The following HEMK1 variants were observed in gnomAD, a reference collection of about 807,000 sequenced individuals.
HEMK1 encodes the protein MTRF1L release factor glutamine methyltransferase.
In HEMK1, 36 loss-of-function variants were observed where a neutral mutation model predicts 47.9. That is an observed-to-expected ratio of 0.75 (90% confidence interval 0.58 to 0.99). HEMK1 has a LOEUF of 0.99. Among genes scored for constraint, HEMK1 ranks in the 50% least tolerant of loss-of-function variants. The pLI, the probability that HEMK1 is intolerant of heterozygous loss-of-function variation, is 0.00. For synonymous variants in HEMK1, 153 were observed against 165.4 expected, an observed-to-expected ratio of 0.93 and a Z score of 0.57; for missense variants, 383 against 434.5, an observed-to-expected ratio of 0.88 and a Z score of 1.05.
At chr3:50,579,969 T>G in intron 9 of HEMK1, 30 bp downstream of exon 9, 1 of 1,587,314 alleles carries the variant, frequency 6.3e-7, no homozygotes. Flanking sequence ...CCTAGGTCTG[T>G]CCCCAGCAGG....
chr3:50,578,009 C>A, intron 7 of HEMK1, 134 bp downstream of exon 7: 1 of 814,538 alleles, frequency 1.2e-6, no homozygotes, highest in Non-Finnish European at 2.1e-6. Context: ...CACACATACA[C>A]GTGTGTGTGT....
In HEMK1 at chr3:50,593,590, T is replaced by C. The variant is rs1395936385; in HGVS notation, c.*13173T>C. ...GGCCTAACTGGTTCTTGCTGCTGCA[T>C]GGGCAAGCCATTAATTTACAGGGGT... On this transcript the variant is annotated 3_prime_UTR_variant, in exon 11 of 11. Transcript: ENST00000232854. The C allele has an allele frequency of 6.6e-6, 1 of 152,260 alleles. No individual in the cohort carries two copies. The highest frequency in any genetic ancestry group is 2.4e-5 in the African/African-American group (1 of 41,468). 9.4% of individuals were successfully genotyped at this position (152,260 alleles called of 1,614,324 possible).
At chr3:50,580,348 G>C in intron 10 of HEMK1, 33 bp from the exon 11 acceptor site, 2 of 1,614,012 alleles carry the variant, frequency 1.2e-6, no homozygotes, top group Non-Finnish European at 1.7e-6. Context: ...CTGAGGCCCA[G>C]GTGGTAACCA....
rs1316094325 is a variant in HEMK1, at chr3:50,593,738, CCTTT to C, written c.*13330_*13333del. The C allele has an allele frequency of 1.8e-4, 23 of 126,936 alleles. No homozygotes were observed. The highest frequency in any genetic ancestry group is 6.6e-4 in the Admixed American group (8 of 12,148). The allele number at this position is 126,936 out of a possible 1,614,324, so 7.9% of individuals were successfully genotyped here. A position where few individuals can be genotyped will look rare whatever the true frequency, so the allele number is the denominator to read the frequency against. ...AATGACAATGACAAATTTGTCTTTT[CCTTT>C]CTTTCTTTTTTTTTTTTTTGAGACA... On this transcript the variant is annotated 3_prime_UTR_variant, in exon 11 of 11. Transcript: ENST00000232854.
In HEMK1 at chr3:50,594,676, A is replaced by G. The variant is rs1373464051; in HGVS notation, c.*14259A>G. 2 of 152,290 alleles carry G rather than the reference A, an allele frequency of 1.3e-5. No homozygotes were observed. Among genetic ancestry groups the G allele is most frequent in the African/African-American group, 4.8e-5 (2 of 41,468 alleles). The allele number at this position is 152,290 out of a possible 1,614,324, so 9.4% of individuals were successfully genotyped here. On this transcript the variant is annotated 3_prime_UTR_variant, in exon 11 of 11. Coordinates refer to ENST00000232854, the MANE Select transcript of HEMK1 (RefSeq NM_016173.5). Reference sequence around the variant, plus strand: ...AATCCCCTGGAGCAGCCTGAAACCAAGGAAGACAGAGAGTTGGTAGACACA... The same window carrying G: ...AATCCCCTGGAGCAGCCTGAAACCAGGGAAGACAGAGAGTTGGTAGACACA...
chr3:50,592,767 CG>C lies in HEMK1; in HGVS notation c.*12351del, dbSNP rs2031789470. 1 of 152,448 alleles carries C rather than the reference CG, an allele frequency of 6.6e-6. No individual in the cohort carries two copies. The highest frequency in any genetic ancestry group is 1.9e-4 in the East Asian group (1 of 5,198). The allele number at this position is 152,448 out of a possible 1,614,324, so 9.4% of individuals were successfully genotyped here. A position where few individuals can be genotyped will look rare whatever the true frequency, so the allele number is the denominator to read the frequency against. ...CCTGCCCCCAACCCTACTTCTCCTCCGAAGGCCCAACAAGGTCCTGTGCGCC... is the reference window on the plus strand; with the variant it reads ...CCTGCCCCCAACCCTACTTCTCCTCCAAGGCCCAACAAGGTCCTGTGCGCC... On this transcript the variant is annotated 3_prime_UTR_variant, in exon 11 of 11. Coordinates refer to ENST00000232854, the MANE Select transcript of HEMK1 (RefSeq NM_016173.5).
rs2031275316 is a variant in HEMK1, at chr3:50,585,471, C to G, written c.*5054C>G. ...AAAACTGAATTGGCCAACTGGTGCC[C>G]TCAGCCCTGTCCCTGTCCAAGCTGG... On this transcript the variant is annotated 3_prime_UTR_variant, in exon 11 of 11. Coordinates refer to ENST00000232854, the MANE Select transcript of HEMK1 (RefSeq NM_016173.5). The G allele has an allele frequency of 6.6e-6, 1 of 152,364 alleles. No individual in the cohort carries two copies. Among genetic ancestry groups the G allele is most frequent in the Non-Finnish European group, 1.5e-5 (1 of 68,172 alleles). 9.4% of individuals were successfully genotyped at this position (152,364 alleles called of 1,614,324 possible). A position where few individuals can be genotyped will look rare whatever the true frequency, so the allele number is the denominator to read the frequency against.
chr3:50,576,806 T>G (rs1260408737), intron 4 of HEMK1, among the ~76,000 whole-genome samples: 1 of 152,204 alleles, frequency 6.6e-6, no homozygotes, highest in East Asian at 1.9e-4. Context: ...TGTGGATTAG[T>G]GCATTTAATC....
At position 50,588,213 on chromosome 3, in the gene HEMK1, T is replaced by C. The variant is rs1011316307; in HGVS notation, c.*7796T>C. ...ACAACAGTACCGGGCATCTGCAGTG[T>C]GTAAACTAGTGCCAGGTGCTGCACA... On this transcript the variant is annotated 3_prime_UTR_variant, in exon 11 of 11. Transcript: ENST00000232854. The C allele has an allele frequency of 2.0e-5, 3 of 152,256 alleles. No homozygotes were observed. The highest frequency in any genetic ancestry group is 4.4e-5 in the Non-Finnish European group (3 of 68,040). 9.4% of individuals were successfully genotyped at this position (152,256 alleles called of 1,614,324 possible).
chr3:50,575,629 G>T (rs1331609194), intron 4 of HEMK1, among the ~76,000 whole-genome samples: 1 of 152,130 alleles, frequency 6.6e-6, no homozygotes, highest in East Asian at 1.9e-4. Context: ...CCAGGCTTGA[G>T]GAAGGCTTTC....
chr3:50,571,629 G>T (rs1347867010), intron 2 of HEMK1, 81 bp from the exon 3 acceptor site: 21 of 1,287,034 alleles, frequency 1.6e-5, no homozygotes, highest in Non-Finnish European at 2.4e-5. Flanking sequence ...CCAGTGCTGG[G>T]CAGGCATTAT....
rs533446920 is a variant in HEMK1 at position 50,577,547 on chromosome 3, C to T, written c.588C>T (p.Ile196=). The T allele has an allele frequency of 1.8e-5, 29 of 1,614,138 alleles. No individual in the cohort carries two copies. In the Admixed American group the frequency reaches 2.0e-4, roughly 11 times the overall value. The change falls in exon 6 of 11, where the codon ATC becomes ATT. Residue 196 remains isoleucine, a synonymous_variant. Coordinates refer to ENST00000232854, the MANE Select transcript of HEMK1 (RefSeq NM_016173.5). ...CTGTGGATAAGCGGGAAGCTGCTATCTCTCTGACCCATGAGAATGCTCAGA... is the reference window on the plus strand; with the variant it reads ...CTGTGGATAAGCGGGAAGCTGCTATTTCTCTGACCCATGAGAATGCTCAGA... The part of the protein sequence containing the change: ...VIAVDKREAA[I]SLTHENAQRL...
rs1575966853 is a variant in HEMK1 at position 50,585,871 on chromosome 3, C to G, written c.*5454C>G. 2 of 152,332 alleles carry G rather than the reference C, an allele frequency of 1.3e-5. No homozygotes were observed. Among genetic ancestry groups the G allele is most frequent in the East Asian group, 1.9e-4 (1 of 5,178 alleles). 9.4% of individuals were successfully genotyped at this position (152,332 alleles called of 1,614,324 possible). A position where few individuals can be genotyped will look rare whatever the true frequency, so the allele number is the denominator to read the frequency against. ...GACTCCTGACTCCCAGTATGATGCT[C>G]TCATCTCCTATTGCTTCCAAAGGCC... On this transcript the variant is annotated 3_prime_UTR_variant, in exon 11 of 11. Coordinates refer to ENST00000232854, the MANE Select transcript of HEMK1 (RefSeq NM_016173.5).
chr3:50,571,798 A>G lies in HEMK1; in HGVS notation c.317A>G (p.Gln106Arg), dbSNP rs988659372. The change falls in exon 3 of 11, where the codon CAG becomes CGG. Residue 106 changes from glutamine (Q) to arginine (R), a missense_variant. Physicochemically the swap from Gln to Arg is conservative, Grantham distance 43 (BLOSUM62 1). Coordinates refer to ENST00000232854, the MANE Select transcript of HEMK1 (RefSeq NM_016173.5). ...CGGGAGCTGAGTAGCCGTCGATTGC[A>G]GAGGTGAGCACCCATGGATCAGACC... ...CIRELSSRRL[Q>R]RMPVQYILGE... 1 of 1,613,782 alleles carries G rather than the reference A, an allele frequency of 6.2e-7. No homozygotes were observed. Among genetic ancestry groups the G allele is most frequent in the Non-Finnish European group, 8.5e-7 (1 of 1,179,664 alleles).
At chr3:50,579,422 A>AG in intron 8 of HEMK1, among the ~76,000 whole-genome samples, 1 of 152,312 alleles carries the variant, frequency 6.6e-6, no homozygotes, top group Non-Finnish European at 1.5e-5. Flanking sequence ...GCTGAGAACC[A>AG]GGGGCAGCCC....
chr3:50,572,252 A>C, intron 4 of HEMK1, 44 bp downstream of exon 4: 1 of 1,568,948 alleles, frequency 6.4e-7, no homozygotes, highest in Non-Finnish European at 8.7e-7. Context: ...ATGATGGTGG[A>C]GTTCAGGGCA....
At position 50,591,357 on chromosome 3, in the gene HEMK1, C is replaced by CAA. The variant is rs2031712179; in HGVS notation, c.*10941_*10942insAA. ...GGACTTGCACATAGACTCCTCCTGA[C>CAA]AGGCCCCTCATGAGTAGCTGGGTCC... is the stretch of plus-strand genomic sequence containing the variant. On this transcript the variant is annotated 3_prime_UTR_variant, in exon 11 of 11. Coordinates refer to ENST00000232854, the MANE Select transcript of HEMK1 (RefSeq NM_016173.5). The CAA allele has an allele frequency of 6.6e-6, 1 of 152,278 alleles. No homozygotes were observed. The highest frequency in any genetic ancestry group is 2.1e-4 in the South Asian group (1 of 4,836). The allele number at this position is 152,278 out of a possible 1,614,324, so 9.4% of individuals were successfully genotyped here.
rs1331399680 is a variant in HEMK1 at position 50,588,554 on chromosome 3, C to T, written c.*8137C>T. The stretch of plus-strand genomic sequence containing the variant: ...GCAGCAGACGCAGACTGAGCTCTCT[C>T]CCTGTCGGCCCGGGTGCCAGATTTT... On this transcript the variant is annotated 3_prime_UTR_variant, in exon 11 of 11. Transcript: ENST00000232854. 5.3e-5 allele frequency: 8 copies of T among 152,246 alleles called. No homozygotes were observed. Among genetic ancestry groups the T allele is most frequent in the Admixed American group, 4.6e-4 (7 of 15,280 alleles). The allele number at this position is 152,246 out of a possible 1,614,324, so 9.4% of individuals were successfully genotyped here.
intron 7 of HEMK1, 38 bp downstream of exon 7, chr3:50,577,913 A>G: frequency 6.3e-7 from 1 of 1,596,562 alleles, no homozygotes; most frequent in South Asian, 1.1e-5. Context: ...GAGGGAGACT[A>G]GATGCAGGTG....
Sources: gnomAD v4.1 joint callset for allele counts (sites outside exome capture counted in the v4.1 genomes callset) on GRCh38, gnomAD v4.1.1 for gene constraint, MANE v1.5 for transcripts, NCBI Gene and HGNC (gene_info 2026-07-23, HGNC 2026-07-21) for gene names.